The following HTR4 variants were observed in gnomAD, a reference collection of about 807,000 sequenced individuals.
The protein encoded by HTR4 is 5-hydroxytryptamine receptor 4.
A neutral mutation model predicts 36.8 loss-of-function variants in HTR4; 16 were observed. The ratio of observed to expected loss-of-function variants is 0.43; its 90% CI spans 0.29 to 0.66. HTR4 has a LOEUF of 0.66. Ranked by LOEUF, HTR4 falls within the 30% of genes least tolerant of loss-of-function variation. The probability of loss-of-function intolerance (pLI) is 0.13; values close to 1 mark genes in which losing one functional copy is unlikely to be tolerated. For synonymous variants in HTR4, 189 were observed against 185.1 expected (o/e 1.02, Z -0.17); for missense variants, 438 against 490.9 (o/e 0.89, Z 1.02).
chr5:148,509,277 C>G (rs1757375856), intron 6 of HTR4, 179 bp downstream of exon 6: 3 of 539,628 alleles, frequency 5.6e-6, no homozygotes. Context: ...CAATCTCCCT[C>G]CAGAGCCTGA....
chr5:148,518,698 A>G (rs985958345), intron 5 of HTR4, among the ~76,000 whole-genome samples: 21 of 151,900 alleles, frequency 1.4e-4, no homozygotes, highest in Non-Finnish European at 2.5e-4. Context: ...TTTCTTACCA[A>G]TTTCCTCCTT....
At chr5:148,512,335 A>T (rs892040941) in intron 5 of HTR4, among the ~76,000 whole-genome samples, 4 of 152,210 alleles carry the variant, frequency 2.6e-5, no homozygotes, top group African/African-American at 9.6e-5. Flanking sequence ...TTTACTGTGC[A>T]TCTCCTGAGA....
chr5:148,453,260 G>C (rs942869144), intron 5 of HTR4, among the ~76,000 whole-genome samples: 1 of 152,110 alleles, frequency 6.6e-6, no homozygotes, highest in African/African-American at 2.4e-5. Flanking sequence ...TTTCTCAAAG[G>C]TCTAAATTTC....
chr5:148,576,117 A>AAAAAAAAC (rs1760895183), intron 2 of HTR4, among the ~76,000 whole-genome samples: 2 of 136,626 alleles, frequency 1.5e-5, no homozygotes, highest in African/African-American at 5.3e-5. Flanking sequence ...TCTCAAAAAA[A>AAAAAAAAC]AAAAAAAAAA....
At chr5:148,488,778 A>G (rs557540183) in intron 6 of HTR4, among the ~76,000 whole-genome samples, 2 of 152,322 alleles carry the variant, frequency 1.3e-5, no homozygotes, top group South Asian at 4.1e-4. Flanking sequence ...CTGAGCTTTC[A>G]TAGTTTGGGA....
intron 2 of HTR4, among the ~76,000 whole-genome samples, chr5:148,611,330 C>T (rs1413797488): frequency 5.3e-5 from 8 of 152,152 alleles, no homozygotes; most frequent in African/African-American, 1.4e-4. Context: ...GCGGATCTGT[C>T]GGCAGAAACT....
At chr5:148,458,225 G>A (rs1052261030) in intron 5 of HTR4, among the ~76,000 whole-genome samples, 11 of 150,186 alleles carry the variant, frequency 7.3e-5, no homozygotes, top group Non-Finnish European at 1.6e-4. Context: ...GGTTTAAAGA[G>A]ATTCAACCCT....
Position 148,550,226 on chromosome 5 carries a change from C to A in HTR4, c.63G>T (p.Val21=), listed in dbSNP as rs747190074. ...TAACCGTCGAGAGAAACGTGAGCAGCACCACCTTCTCCACTGACCCGAAAC... is the reference window on the plus strand; with the variant it reads ...TAACCGTCGAGAGAAACGTGAGCAGAACCACCTTCTCCACTGACCCGAAAC... ...EEGFGSVEKV[V]LLTFLSTVIL... is the part of the protein sequence containing the mutation. The change falls in exon 3 of 7, where the codon GTG becomes GTT. Residue 21 remains valine, a synonymous_variant. Coordinates refer to ENST00000377888, the MANE Select transcript of HTR4 (RefSeq NM_000870.7). 6.2e-6 allele frequency: 10 copies of A among 1,613,994 alleles called. No homozygotes were observed. Among genetic ancestry groups the A allele is most frequent in the Non-Finnish European group, 8.5e-6 (10 of 1,180,008 alleles).
chr5:148,538,505 C>T (rs973076958), intron 4 of HTR4, among the ~76,000 whole-genome samples: 9 of 152,132 alleles, frequency 5.9e-5, no homozygotes, highest in African/African-American at 2.2e-4. Flanking sequence ...GCTCCTTCAG[C>T]TGATAAACAA....
At chr5:148,581,163 C>T (rs1761118331) in intron 2 of HTR4, among the ~76,000 whole-genome samples, 3 of 151,878 alleles carry the variant, frequency 2.0e-5, no homozygotes, top group Admixed American at 2.0e-4. Context: ...AGTGTCTATT[C>T]AGATCTTTTC....
At chr5:148,580,231 A>G (rs1198759873) in intron 2 of HTR4, among the ~76,000 whole-genome samples, 1 of 152,066 alleles carries the variant, frequency 6.6e-6, no homozygotes, top group Non-Finnish European at 1.5e-5. Flanking sequence ...GCCTGTTTTC[A>G]TTACTTCATT....
chr5:148,492,663 G>T (rs1358394193), intron 6 of HTR4, among the ~76,000 whole-genome samples: 1 of 152,226 alleles, frequency 6.6e-6, no homozygotes, highest in Non-Finnish European at 1.5e-5. Context: ...ATAGGAACTG[G>T]CATATCCCTG....
chr5:148,511,061 A>G (rs1388128531), intron 5 of HTR4, among the ~76,000 whole-genome samples: 1 of 152,154 alleles, frequency 6.6e-6, no homozygotes, highest in East Asian at 1.9e-4. Context: ...TAATCACTCC[A>G]TTGAAAATGC....
intron 2 of HTR4, among the ~76,000 whole-genome samples, chr5:148,591,187 T>C (rs1316203046): frequency 6.6e-6 from 1 of 152,220 alleles, no homozygotes; most frequent in Non-Finnish European, 1.5e-5. Flanking sequence ...CATTGGTCCA[T>C]GTGCATGTTT....
rs140096726 is a variant in HTR4, at chr5:148,550,218, G to A, written c.71C>T (p.Thr24Met). The A allele has an allele frequency of 2.0e-4, 323 of 1,614,060 alleles. 1 individual carries two copies. In the African/African-American group the frequency reaches 3.9e-3, roughly 19 times the overall value. Reference protein sequence around the residue: ...FGSVEKVVLLTFLSTVILMAI... With the variant: ...FGSVEKVVLLMFLSTVILMAI... ...CATCAGGATAACCGTCGAGAGAAACGTGAGCAGCACCACCTTCTCCACTGA... is the reference window on the plus strand; with the variant it reads ...CATCAGGATAACCGTCGAGAGAAACATGAGCAGCACCACCTTCTCCACTGA... The change falls in exon 3 of 7, where the codon ACG (threonine) becomes ATG (methionine). Residue 24 changes from threonine (T) to methionine (M), a missense_variant. Physicochemically the swap from Thr to Met is moderately conservative, Grantham distance 81. Coordinates refer to ENST00000377888, the MANE Select transcript of HTR4 (RefSeq NM_000870.7).
chr5:148,526,427 G>T (rs1183869506), intron 4 of HTR4, among the ~76,000 whole-genome samples: 2 of 152,142 alleles, frequency 1.3e-5, no homozygotes, highest in African/African-American at 2.4e-5. Flanking sequence ...AATGAATTCT[G>T]CCCTATCTTT....
chr5:148,553,331 GCTAA>G (rs766992704), intron 2 of HTR4, among the ~76,000 whole-genome samples: 20 of 152,290 alleles, frequency 1.3e-4, no homozygotes, highest in Middle Eastern at 3.4e-3. Flanking sequence ...AGGTTGTGAG[GCTAA>G]CTAAGACCAG....
Position 148,483,080 on chromosome 5 carries a change from T to C in HTR4, c.*123A>G, listed in dbSNP as rs2113718610. On this transcript the variant is annotated 3_prime_UTR_variant, in exon 7 of 7. Coordinates refer to ENST00000377888, the MANE Select transcript of HTR4 (RefSeq NM_000870.7). ...AAAAGCCCAGCGAGCACCGGGTTCCTGCACTGGCGGACGGAAAGCCTCAGG... is the reference window on the plus strand; with the variant it reads ...AAAAGCCCAGCGAGCACCGGGTTCCCGCACTGGCGGACGGAAAGCCTCAGG... 3 of 1,511,310 alleles carry C rather than the reference T, an allele frequency of 2.0e-6. No homozygotes were observed. The highest frequency in any genetic ancestry group is 1.8e-6 in the Non-Finnish European group (2 of 1,124,290). The allele number at this position is 1,511,310 out of a possible 1,614,324, so 93.6% of individuals were successfully genotyped here.
chr5:148,466,592 G>C (rs1054177308), intron 5 of HTR4, among the ~76,000 whole-genome samples: 1 of 152,126 alleles, frequency 6.6e-6, no homozygotes, highest in Non-Finnish European at 1.5e-5. Context: ...TCTAATCCCA[G>C]CTCCATTACT....
Sources: allele counts gnomAD v4.1 joint callset (sites outside exome capture counted in the v4.1 genomes callset), GRCh38; gene constraint gnomAD v4.1.1; transcripts MANE v1.5; gene names NCBI Gene and HGNC (gene_info 2026-07-23, HGNC 2026-07-21).